Variants in JKAMP observed in about 807,000 individuals in gnomAD.
JKAMP encodes the protein JNK1/MAPK8 associated membrane protein.
In JKAMP, 20 loss-of-function variants were observed where a neutral mutation model predicts 40.2. The observed-to-expected ratio is 0.50, with a 90% CI of 0.35 to 0.72. The LOEUF is 0.72. Ranked by LOEUF, JKAMP falls within the 30% of genes least tolerant of loss-of-function variation. JKAMP has a pLI of 0.01. For synonymous variants in JKAMP, 138 were observed against 131.6 expected (o/e 1.05, Z -0.33); for missense variants, 276 against 373.0 (o/e 0.74, Z 2.14).
chr14:59,498,884 C>T lies in JKAMP; in HGVS notation c.616C>T (p.Gln206Ter), dbSNP rs770850459. 1 of 1,609,316 alleles carries T rather than the reference C, an allele frequency of 6.2e-7. No homozygotes were observed. Among genetic ancestry groups the T allele is most frequent in the Non-Finnish European group, 8.5e-7 (1 of 1,177,706 alleles). Residue 206 changes from glutamine to a stop codon, truncating the protein, a stop_gained, in exon 5 of 7, where the codon CAG becomes TAG. Transcript: ENST00000616435. LOFTEE classifies it high-confidence loss of function. Reference protein sequence around the residue: ...LYFFPILTVLQAVGGGLLYYA... With the variant: ...LYFFPILTVL Reference sequence around the variant, plus strand: ...CTTCTTCCCAATTTTAACCGTGCTTCAGGCAGTTGGTGGAGGCCTTTTATG... The same window carrying T: ...CTTCTTCCCAATTTTAACCGTGCTTTAGGCAGTTGGTGGAGGCCTTTTATG...
chr14:59,499,486 G>A (rs1327751150), intron 5 of JKAMP, among the ~76,000 whole-genome samples: 1 of 152,076 alleles, frequency 6.6e-6, no homozygotes, highest in Non-Finnish European at 1.5e-5. Flanking sequence ...TTATTTTAAT[G>A]TAACCATTAA....
Position 59,504,087 on chromosome 14 carries a change from A to T in JKAMP, c.*15A>T, listed in dbSNP as rs773890698. ...ATGGACACTGAGTGTAGACATGTGA[A>T]ATGCCAAAAACCTGAGAAGTGCTCC... On this transcript the variant is annotated 3_prime_UTR_variant, in exon 7 of 7. Transcript: ENST00000616435. 3.3e-6 allele frequency: 5 copies of T among 1,533,514 alleles called. No individual in the cohort carries two copies. The African/African-American group carries it at 6.8e-5, about 21-fold the overall frequency. 95.0% of individuals were successfully genotyped at this position (1,533,514 alleles called of 1,614,324 possible). A position where few individuals can be genotyped will look rare whatever the true frequency, so the allele number is the denominator to read the frequency against.
chr14:59,485,339 C>T (rs1016505744), intron 1 of JKAMP: 1 of 406,068 alleles, frequency 2.5e-6, no homozygotes, highest in African/African-American at 2.1e-5. Flanking sequence ...CAATTGGTTA[C>T]AAAAAAAATA....
Position 59,503,948 on chromosome 14 carries a change from T to A in JKAMP, c.812T>A (p.Val271Glu). 6.2e-7 allele frequency: 1 copy of A among 1,613,548 alleles called. No individual in the cohort carries two copies. ...TATGGAATAATCTCCATTTCCAGAG[T>A]GGATAAACTTGAGCAAGATTTGCCC... is the stretch of plus-strand genomic sequence containing the variant. ...HAYGIISISR[V>E]DKLEQDLPLL... is the part of the protein sequence containing the mutation. Residue 271 changes from valine to glutamate, a missense_variant, in exon 7 of 7, where the codon GTG (valine) becomes GAG (glutamate). Physicochemically the swap from Val to Glu is moderately radical, Grantham distance 121 (BLOSUM62 -2). Coordinates refer to ENST00000616435, the MANE Select transcript of JKAMP (RefSeq NM_016475.5).
chr14:59,493,101 G>A (rs1170846846), intron 3 of JKAMP, among the ~76,000 whole-genome samples: 1 of 152,122 alleles, frequency 6.6e-6, no homozygotes, highest in Middle Eastern at 3.2e-3. Flanking sequence ...CCCAGCCAAG[G>A]AGAGCTGGTA....
intron 3 of JKAMP, among the ~76,000 whole-genome samples, chr14:59,488,695 T>G (rs1161078493): frequency 6.6e-6 from 1 of 152,234 alleles, no homozygotes; most frequent in Non-Finnish European, 1.5e-5. Context: ...AAATTCTGCC[T>G]TACTGATTTT....
At chr14:59,497,779 C>T (rs903620355) in intron 4 of JKAMP, among the ~76,000 whole-genome samples, 1 of 152,098 alleles carries the variant, frequency 6.6e-6, no homozygotes, top group Non-Finnish European at 1.5e-5. Context: ...CTGTACAGGA[C>T]TGAACCTAAA....
At position 59,505,121 on chromosome 14, in the gene JKAMP, ATTAG is replaced by A. The variant is rs1448854743; in HGVS notation, c.*1053_*1056del. On this transcript the variant is annotated 3_prime_UTR_variant, in exon 7 of 7. Coordinates refer to ENST00000616435, the MANE Select transcript of JKAMP (RefSeq NM_016475.5). ...CTGATACTTGGTGGAGGTTGTGTGA[ATTAG>A]TTAAATTTTAAATGTTTAAGACTTC... 3.9e-5 allele frequency: 18 copies of A among 459,688 alleles called. No individual in the cohort carries two copies. Among genetic ancestry groups the A allele is most frequent in the Admixed American group, 1.1e-4 (3 of 26,638 alleles). The allele number at this position is 459,688 out of a possible 1,614,324, so 28.5% of individuals were successfully genotyped here. A position where few individuals can be genotyped will look rare whatever the true frequency, so the allele number is the denominator to read the frequency against.
At chr14:59,485,535 A>G (rs1398938667) in intron 1 of JKAMP, 1 of 158,808 alleles carries the variant, frequency 6.3e-6, no homozygotes, top group African/African-American at 2.4e-5. Flanking sequence ...CAGGCAGTCT[A>G]GATTGTGAAT....
Position 59,504,882 on chromosome 14 carries a change from TG to T in JKAMP, c.*812del, listed in dbSNP as rs1892230811. ...GAATTAGGATGCATCTTACAACTGATGGCTTATTAGATTTAATGAAATACAG... is the reference window on the plus strand; with the variant it reads ...GAATTAGGATGCATCTTACAACTGATGCTTATTAGATTTAATGAAATACAG... On this transcript the variant is annotated 3_prime_UTR_variant, in exon 7 of 7. Coordinates refer to ENST00000616435, the MANE Select transcript of JKAMP (RefSeq NM_016475.5). 6.2e-6 allele frequency: 1 copy of T among 160,374 alleles called. No homozygotes were observed. The highest frequency in any genetic ancestry group is 1.4e-5 in the Non-Finnish European group (1 of 73,414). 9.9% of individuals were successfully genotyped at this position (160,374 alleles called of 1,614,324 possible). A position where few individuals can be genotyped will look rare whatever the true frequency, so the allele number is the denominator to read the frequency against.
chr14:59,495,625 G>T (rs938579896), intron 4 of JKAMP, among the ~76,000 whole-genome samples: 1 of 152,058 alleles, frequency 6.6e-6, no homozygotes, highest in East Asian at 1.9e-4. Flanking sequence ...AATTATGCCA[G>T]ACTATTCCAG....
chr14:59,498,123 C>A (rs986459862), intron 4 of JKAMP, among the ~76,000 whole-genome samples: 2 of 152,026 alleles, frequency 1.3e-5, no homozygotes, highest in African/African-American at 4.8e-5. Context: ...ATCTGTAATT[C>A]TGTTCCTTGA....
intron 3 of JKAMP, among the ~76,000 whole-genome samples, chr14:59,493,218 G>A (rs1299261482): frequency 1.3e-5 from 2 of 152,186 alleles, no homozygotes; most frequent in Non-Finnish European, 2.9e-5. Context: ...ATTCACACCT[G>A]CATGCATCAT....
Position 59,495,104 on chromosome 14 carries a change from G to A in JKAMP, c.338G>A (p.Gly113Asp). ...IITLLVSDPV[G>D]VLYIRSCRVL... ...ACCTTACTTGTGAGTGATCCAGTTGGTGTTCTTTATATTCGTTCATGTCGA... is the reference window on the plus strand; with the variant it reads ...ACCTTACTTGTGAGTGATCCAGTTGATGTTCTTTATATTCGTTCATGTCGA... The change falls in exon 4 of 7, where the codon GGT becomes GAT. Residue 113 changes from glycine to aspartate, a missense_variant. Coordinates refer to ENST00000616435, the MANE Select transcript of JKAMP (RefSeq NM_016475.5). 6.2e-7 allele frequency: 1 copy of A among 1,613,516 alleles called. No homozygotes were observed. Among genetic ancestry groups the A allele is most frequent in the Non-Finnish European group, 8.5e-7 (1 of 1,179,488 alleles).
chr14:59,501,216 A>C lies in JKAMP; in HGVS notation c.666A>C (p.Leu222Phe), dbSNP rs747999382. The C allele has an allele frequency of 6.2e-7, 1 of 1,602,286 alleles. No individual in the cohort carries two copies. Among genetic ancestry groups the C allele is most frequent in the African/African-American group, 1.3e-5 (1 of 74,738 alleles). The part of the protein sequence containing the change: ...LLYYAFPYII[L>F]VLSLVTLAVY... Reference sequence around the variant, plus strand: ...ATTACGCCTTCCCATACATTATATTAGTGTTATCTTTGGTTACTCTGGCTG... The same window carrying C: ...ATTACGCCTTCCCATACATTATATTCGTGTTATCTTTGGTTACTCTGGCTG... The change falls in exon 6 of 7, where the codon TTA (leucine) becomes TTC (phenylalanine). Residue 222 changes from leucine to phenylalanine, a missense_variant. Coordinates refer to ENST00000616435, the MANE Select transcript of JKAMP (RefSeq NM_016475.5).
chr14:59,500,927 G>C (rs1330683355), intron 5 of JKAMP: 2 of 347,490 alleles, frequency 5.8e-6, no homozygotes, highest in Admixed American at 9.4e-5. Flanking sequence ...GCCCATTCAT[G>C]TATGTATTCT....
At chr14:59,502,760 T>TGTTTTGTTTTGTTTTG (rs760996086) in intron 6 of JKAMP, among the ~76,000 whole-genome samples, 3,764 of 130,034 alleles carry the variant, frequency 0.029, 159 homozygotes, top group Non-Finnish European at 0.048. Flanking sequence ...ATTTTTTTTT[T>TGTTTTGTTTTGTTTTG]TTTTTTTTTT....
chr14:59,493,897 A>T (rs1336341141), intron 3 of JKAMP, among the ~76,000 whole-genome samples: 1 of 152,182 alleles, frequency 6.6e-6, no homozygotes, highest in African/African-American at 2.4e-5. Flanking sequence ...ACAGACAATT[A>T]TATATGAAAC....
intron 1 of JKAMP, 116 bp downstream of exon 1, chr14:59,484,709 C>A: frequency 7.7e-7 from 1 of 1,292,754 alleles, no homozygotes; most frequent in Non-Finnish European, 1.1e-6. Flanking sequence ...CGCAGGCTCG[C>A]CCCTTGACCC....
Sources: gnomAD v4.1 joint callset for allele counts (sites outside exome capture counted in the v4.1 genomes callset) on GRCh38, gnomAD v4.1.1 for gene constraint, MANE v1.5 for transcripts, NCBI Gene and HGNC (gene_info 2026-07-23, HGNC 2026-07-21) for gene names.